LRRFIP1: variants seen among roughly 807,000 people sequenced by gnomAD.
LRRFIP1 encodes LRR binding FLII interacting protein 1.
LRRFIP1 carries 62 observed loss-of-function variants against 104.4 expected under a neutral mutation model. The ratio of observed to expected loss-of-function variants is 0.59; its 90% CI spans 0.48 to 0.73. LRRFIP1 has a LOEUF of 0.73. Among genes scored for constraint, LRRFIP1 ranks in the 30% least tolerant of loss-of-function variants. LRRFIP1 has a pLI of 0.00. For missense variants in LRRFIP1, 796 were observed against 824.5 expected, an observed-to-expected ratio of 0.97 and a Z score of 0.42; for synonymous variants, 300 against 299.0, an observed-to-expected ratio of 1.00 and a Z score of -0.03.
intron 1 of LRRFIP1, among the ~76,000 whole-genome samples, chr2:237,645,465 C>T (rs576389342): frequency 2.0e-5 from 3 of 149,094 alleles, no homozygotes; most frequent in East Asian, 1.9e-4. Context: ...TACCCCTCAC[C>T]GTTCCCCTCT....
intron 1 of LRRFIP1, among the ~76,000 whole-genome samples, chr2:237,630,856 C>T (rs1050619033): frequency 2.0e-5 from 3 of 152,266 alleles, no homozygotes; most frequent in African/African-American, 7.2e-5. Context: ...TGGAGGCCAG[C>T]TGGCCTTGGC....
Position 237,683,252 on chromosome 2 carries a change from C to T in LRRFIP1, c.97-25292C>T, listed in dbSNP as rs568887480. The stretch of plus-strand genomic sequence containing the variant: ...ATCTCAGCAACTAAAATCAAGCCGA[C>T]GGTCAGGTCAGAGAAGCATTTGGAA... On this transcript the variant is annotated intron_variant, in intron 1 of 23. Transcript: ENST00000308482. 5.3e-5 allele frequency among the ~76,000 whole-genome samples: 8 copies of T among 152,332 alleles called. No homozygotes were observed. The South Asian group carries it at 1.7e-3, about 32-fold the overall frequency.
At chr2:237,665,179 A>C (rs1466946087) in intron 1 of LRRFIP1, among the ~76,000 whole-genome samples, 1 of 152,248 alleles carries the variant, frequency 6.6e-6, no homozygotes, top group African/African-American at 2.4e-5. Flanking sequence ...CAATGAAACT[A>C]AAATTCTAAG....
chr2:237,763,460 G>A (rs150392709), intron 19 of LRRFIP1: 2 of 1,613,198 alleles, frequency 1.2e-6, no homozygotes, highest in African/African-American at 2.7e-5. Context: ...AAAATCCCCA[G>A]TACCCGTAGA....
intron 2 of LRRFIP1, among the ~76,000 whole-genome samples, chr2:237,713,180 CG>C (rs2094182500): frequency 6.6e-6 from 1 of 152,016 alleles, no homozygotes; most frequent in Non-Finnish European, 1.5e-5. Context: ...ACACCAGTGT[CG>C]GGGGCAGCCC....
Position 237,662,975 on chromosome 2 carries a change from A to G in LRRFIP1, c.96+35235A>G, listed in dbSNP as rs184053976. Among the ~76,000 whole-genome samples the G allele has an allele frequency of 2.6e-3, 395 of 152,298 alleles. 1 individual carries two copies. Among genetic ancestry groups the G allele is most frequent in the Non-Finnish European group, 4.6e-3 (315 of 68,016 alleles). On this transcript the variant is annotated intron_variant, in intron 1 of 23. Coordinates refer to ENST00000308482, the MANE Select transcript of LRRFIP1 (RefSeq NM_001137550.2). ...GCTCCTTAATCTGCATGCAATTACA[A>G]GTGAGTATAAACAGGACTGCAAAAC...
Position 237,735,258 on chromosome 2 carries a change from T to C in LRRFIP1, c.490-10T>C, listed in dbSNP as rs1354491091. The stretch of plus-strand genomic sequence containing the variant: ...AGAGCGCCCATCCTGACAGTCTCTT[T>C]TGGTCGCAGGCGTCTGTGTTGGATG... On this transcript the variant is annotated splice_polypyrimidine_tract_variant and intron_variant, in intron 9 of 23. Coordinates refer to ENST00000308482, the MANE Select transcript of LRRFIP1 (RefSeq NM_001137550.2). The surrounding 1 kb of genome is among the most constrained non-coding windows in gnomAD (Gnocchi z 4.6). The C allele has an allele frequency of 6.2e-7, 1 of 1,612,506 alleles. No individual in the cohort carries two copies. The highest frequency in any genetic ancestry group is 8.5e-7 in the Non-Finnish European group (1 of 1,179,252).
At chr2:237,724,412 T>C (rs974402795) in intron 7 of LRRFIP1, among the ~76,000 whole-genome samples, 15 of 152,278 alleles carry the variant, frequency 9.9e-5, no homozygotes, top group South Asian at 2.1e-4. Flanking sequence ...AGTGAATCAA[T>C]AGTAGCATAC....
intron 1 of LRRFIP1, among the ~76,000 whole-genome samples, chr2:237,660,198 A>G (rs542099351): frequency 2.0e-5 from 3 of 152,336 alleles, no homozygotes; most frequent in East Asian, 3.9e-4. Context: ...AAGAAATAAA[A>G]TAGTTTGTTA....
intron 23 of LRRFIP1, 28 bp from the exon 24 acceptor site, chr2:237,779,394 A>G (rs773127740): frequency 6.2e-7 from 1 of 1,609,396 alleles, no homozygotes; most frequent in Non-Finnish European, 8.5e-7. Context: ...AAGTTCCTTA[A>G]AGCTCACTGC....
chr2:237,649,839 G>A lies in LRRFIP1; in HGVS notation c.96+22099G>A, dbSNP rs538038362. 3.3e-5 allele frequency among the ~76,000 whole-genome samples: 5 copies of A among 150,182 alleles called. No individual in the cohort carries two copies. The highest frequency in any genetic ancestry group is 2.1e-4 in the South Asian group (1 of 4,754). Reference sequence around the variant, plus strand: ...TCATTCATGTATTCACTTTTCCTCCGATTCAACAAAAAAAAAAATTGATTA... The same window carrying A: ...TCATTCATGTATTCACTTTTCCTCCAATTCAACAAAAAAAAAAATTGATTA... On this transcript the variant is annotated intron_variant, in intron 1 of 23. Transcript: ENST00000308482. This position sits in a 1 kb window ranked among gnomAD's most constrained non-coding sequence, Gnocchi z 4.1.
intron 1 of LRRFIP1, among the ~76,000 whole-genome samples, chr2:237,660,028 T>C (rs1311427981): frequency 1.3e-5 from 2 of 152,148 alleles, no homozygotes; most frequent in Non-Finnish European, 2.9e-5. Context: ...TTGTCTTACA[T>C]AGACATTAAA....
chr2:237,697,899 T>G (rs548710699), intron 1 of LRRFIP1, among the ~76,000 whole-genome samples: 2 of 152,174 alleles, frequency 1.3e-5, no homozygotes, highest in Admixed American at 1.3e-4. Flanking sequence ...GAAGGAAATA[T>G]GAAGATTCAT....
At chr2:237,707,267 C>T (rs1239139233) in intron 1 of LRRFIP1, among the ~76,000 whole-genome samples, 2 of 150,808 alleles carry the variant, frequency 1.3e-5, no homozygotes, top group Non-Finnish European at 2.9e-5. Context: ...TCGGAAGTCC[C>T]ATTTTAATAT....
intron 2 of LRRFIP1, among the ~76,000 whole-genome samples, chr2:237,712,196 C>G (rs1422446313): frequency 6.6e-6 from 1 of 152,124 alleles, no homozygotes; most frequent in Non-Finnish European, 1.5e-5. Context: ...CAGTTTTCCC[C>G]AAATCCAAGA....
chr2:237,709,090 G>T (rs761642945), intron 2 of LRRFIP1, among the ~76,000 whole-genome samples: 1 of 152,180 alleles, frequency 6.6e-6, no homozygotes, highest in Non-Finnish European at 1.5e-5. Flanking sequence ...GATATCTAGA[G>T]CCCGTGTGTG....
At chr2:237,777,326 T>C in intron 23 of LRRFIP1, among the ~76,000 whole-genome samples, 1 of 152,252 alleles carries the variant, frequency 6.6e-6, no homozygotes, top group East Asian at 1.9e-4. Flanking sequence ...CCTGCTAGTG[T>C]CTCAGACTGT....
chr2:237,777,941 A>T (rs1245295416), intron 23 of LRRFIP1, among the ~76,000 whole-genome samples: 1 of 151,842 alleles, frequency 6.6e-6, no homozygotes, highest in Non-Finnish European at 1.5e-5. Context: ...CCAGTTCACC[A>T]TTTTTTTTAA....
At chr2:237,695,906 A>C (rs930715441) in intron 1 of LRRFIP1, among the ~76,000 whole-genome samples, 1 of 152,192 alleles carries the variant, frequency 6.6e-6, no homozygotes, top group Admixed American at 6.5e-5. Flanking sequence ...ATCATTCAAA[A>C]TTGCCATGTA....
Sources: allele counts gnomAD v4.1 joint callset (sites outside exome capture counted in the v4.1 genomes callset), GRCh38; gene constraint gnomAD v4.1.1; non-coding constraint Gnocchi (gnomAD v3.1); transcripts MANE v1.5; gene names NCBI Gene and HGNC (gene_info 2026-07-23, HGNC 2026-07-21).